SERGEF: variants seen among roughly 807,000 people sequenced by gnomAD.
The protein encoded by SERGEF is secretion regulating guanine nucleotide exchange factor.
In SERGEF, 51 loss-of-function variants were observed where a neutral mutation model predicts 50.0. That is an observed-to-expected ratio of 1.02 (90% CI 0.81 to 1.29). The LOEUF (loss-of-function observed/expected upper bound fraction) is 1.29. Ranked by LOEUF, SERGEF falls within the 50% of genes most tolerant of loss-of-function variation. The pLI is 0.00. For missense variants in SERGEF, 521 were observed against 557.0 expected (o/e 0.94, Z 0.65); for synonymous variants, 205 against 212.4 (o/e 0.97, Z 0.30).
chr11:17,928,497 T>A (rs1180842038), intron 9 of SERGEF, among the ~76,000 whole-genome samples: 1 of 152,180 alleles, frequency 6.6e-6, no homozygotes, highest in Non-Finnish European at 1.5e-5. Flanking sequence ...TGACTTCTTA[T>A]CTGTCTCTCC....
chr11:17,788,473 C>T, intron 10 of SERGEF, 60 bp from the exon 11 acceptor site: 1 of 1,396,220 alleles, frequency 7.2e-7, no homozygotes, highest in Non-Finnish European at 9.8e-7. Flanking sequence ...CTGAAACATT[C>T]ACCCTGAGGG....
At chr11:17,973,298 A>C (rs1263750878) in intron 8 of SERGEF, among the ~76,000 whole-genome samples, 1 of 152,144 alleles carries the variant, frequency 6.6e-6, no homozygotes, top group Non-Finnish European at 1.5e-5. Flanking sequence ...CAGAACATAC[A>C]CTGGAGCCAG....
At chr11:17,931,263 A>C (rs1233392032) in intron 9 of SERGEF, among the ~76,000 whole-genome samples, 1 of 152,202 alleles carries the variant, frequency 6.6e-6, no homozygotes, top group Non-Finnish European at 1.5e-5. Context: ...CAATATCTAT[A>C]ATGAATTGCT....
At chr11:17,849,550 A>G (rs556534906) in intron 10 of SERGEF, among the ~76,000 whole-genome samples, 27 of 149,696 alleles carry the variant, frequency 1.8e-4, no homozygotes, top group Non-Finnish European at 3.4e-4. Flanking sequence ...AGGTAAGGCC[A>G]ATCCCTTGTA....
At chr11:17,858,854 G>A (rs764223581) in intron 10 of SERGEF, among the ~76,000 whole-genome samples, 1 of 152,146 alleles carries the variant, frequency 6.6e-6, no homozygotes, top group Non-Finnish European at 1.5e-5. Context: ...AATTGGAGAG[G>A]GTGAAGTTAA....
At chr11:18,006,824 A>C in intron 2 of SERGEF, 78 bp from the exon 3 acceptor site, 3 of 1,522,794 alleles carry the variant, frequency 2.0e-6, no homozygotes, top group Non-Finnish European at 2.7e-6. Context: ...GATTTCACTA[A>C]TTATTTGGAC....
At chr11:17,834,793 T>G (rs886735950) in intron 10 of SERGEF, among the ~76,000 whole-genome samples, 6 of 152,238 alleles carry the variant, frequency 3.9e-5, no homozygotes, top group African/African-American at 1.4e-4. Context: ...TGGATCTCTT[T>G]TACGTTTTTC....
intron 9 of SERGEF, among the ~76,000 whole-genome samples, chr11:17,935,355 A>G (rs1054405709): frequency 1.3e-5 from 2 of 152,070 alleles, no homozygotes; most frequent in Admixed American, 6.6e-5. Flanking sequence ...ATGCCACCAG[A>G]TACTCAAGAA....
intron 8 of SERGEF, among the ~76,000 whole-genome samples, chr11:17,969,552 G>A (rs1853201079): frequency 6.6e-6 from 1 of 152,124 alleles, no homozygotes; most frequent in South Asian, 2.1e-4. Flanking sequence ...GAGGGTAGCT[G>A]AAGCCAAGCA....
chr11:17,906,888 CT>C, intron 9 of SERGEF, among the ~76,000 whole-genome samples: 2 of 148,110 alleles, frequency 1.4e-5, no homozygotes, highest in Non-Finnish European at 3.0e-5. Flanking sequence ...TCTTATGAAA[CT>C]GAATGTGGTT....
chr11:17,882,167 G>A (rs1342287283), intron 9 of SERGEF, among the ~76,000 whole-genome samples: 1 of 152,158 alleles, frequency 6.6e-6, no homozygotes, highest in Non-Finnish European at 1.5e-5. Flanking sequence ...TGTAATCCCA[G>A]CACTTTGGGA....
intron 8 of SERGEF, among the ~76,000 whole-genome samples, chr11:17,974,072 TGTCTAGAG>T (rs1853314491): frequency 6.6e-6 from 1 of 152,092 alleles, no homozygotes; most frequent in African/African-American, 2.4e-5. Flanking sequence ...TCAAATGGCT[TGTCTAGAG>T]GTCCATGGCC....
chr11:17,879,859 T>A (rs1034103353), intron 9 of SERGEF, among the ~76,000 whole-genome samples: 2 of 152,108 alleles, frequency 1.3e-5, no homozygotes, highest in African/African-American at 4.8e-5. Flanking sequence ...ATCTGTCAAT[T>A]AAAAAAATAA....
At chr11:18,011,067 C>G (rs532795182) in intron 1 of SERGEF, among the ~76,000 whole-genome samples, 1 of 152,112 alleles carries the variant, frequency 6.6e-6, no homozygotes, top group African/African-American at 2.4e-5. Context: ...TTAACACAAC[C>G]TATTACAACT....
intron 9 of SERGEF, among the ~76,000 whole-genome samples, chr11:17,939,926 G>A (rs879328984): frequency 1.7e-4 from 26 of 152,188 alleles, no homozygotes; most frequent in Non-Finnish European, 3.4e-4. Flanking sequence ...ATGCAAGCAA[G>A]AATGTCACCA....
chr11:17,817,252 G>A (rs898878442), intron 10 of SERGEF, among the ~76,000 whole-genome samples: 7 of 141,592 alleles, frequency 4.9e-5, no homozygotes, highest in Non-Finnish European at 9.0e-5. Flanking sequence ...TCGCTCTGTC[G>A]CCCAGGCTGG....
chr11:17,820,988 G>C (rs1850070748), intron 10 of SERGEF, among the ~76,000 whole-genome samples: 1 of 152,204 alleles, frequency 6.6e-6, no homozygotes, highest in Non-Finnish European at 1.5e-5. Flanking sequence ...CCAAGTTAAA[G>C]ACCTTGGAAT....
At chr11:17,854,809 T>C (rs1020506712) in intron 10 of SERGEF, 6 of 152,234 alleles carry the variant, frequency 3.9e-5, no homozygotes, top group Admixed American at 6.5e-5. Context: ...CAGGTAAAAA[T>C]TGATAACTGG....
At chr11:17,830,649 G>GAAGAGAGA (rs1554999450) in intron 10 of SERGEF, among the ~76,000 whole-genome samples, 3 of 77,726 alleles carry the variant, frequency 3.9e-5, no homozygotes, top group Non-Finnish European at 6.7e-5. Context: ...GGAGAGGGAG[G>GAAGAGAGA]GAGAGAGAGA....
Sources: gnomAD v4.1 joint callset for allele counts (sites outside exome capture counted in the v4.1 genomes callset) on GRCh38, gnomAD v4.1.1 for gene constraint, MANE v1.5 for transcripts, NCBI Gene and HGNC (gene_info 2026-07-23, HGNC 2026-07-21) for gene names.